Variants in TMPRSS6 observed in about 807,000 individuals in gnomAD.
TMPRSS6 encodes the protein transmembrane serine protease 6.
TMPRSS6 carries 67 observed loss-of-function variants against 101.5 expected under a neutral mutation model. The ratio of observed to expected loss-of-function variants is 0.66; its 90% CI spans 0.54 to 0.81. TMPRSS6 has a LOEUF of 0.81. Ranked by LOEUF, TMPRSS6 falls within the 30% of genes least tolerant of loss-of-function variation. The pLI, the probability that TMPRSS6 is intolerant of heterozygous loss-of-function variation, is 0.00. For synonymous variants in TMPRSS6, 453 were observed against 464.9 expected (o/e 0.97, Z 0.33); for missense variants, 1,034 against 1,088.7 (o/e 0.95, Z 0.71).
chr22:37,069,076 C>T lies in TMPRSS6; in HGVS notation c.2110G>A (p.Gly704Ser). The T allele has an allele frequency of 1.3e-6, 2 of 1,541,808 alleles. No homozygotes were observed. The highest frequency in any genetic ancestry group is 1.7e-6 in the Non-Finnish European group (2 of 1,148,898). The change falls in exon 16 of 18, where the codon GGC becomes AGC. Residue 704 changes from glycine to serine, a missense_variant. By Grantham distance (56) the Gly-to-Ser change is moderately conservative (BLOSUM62 0). Coordinates refer to ENST00000676104, the MANE Select transcript of TMPRSS6 (RefSeq NM_001374504.1). This position sits in a 1 kb window ranked among gnomAD's most constrained non-coding sequence, Gnocchi z 4.8. The part of the protein sequence containing the change: ...WITGWGALRE[G>S]GPISNALQKV... ...GCCGCAAGTCCCCGCTGCTCACCGC[C>T]CTCGCGCAAGGCGCCCCAGCCCGTA...
At chr22:37,075,732 G>A (rs574409278) in intron 10 of TMPRSS6, among the ~76,000 whole-genome samples, 14 of 152,218 alleles carry the variant, frequency 9.2e-5, no homozygotes, top group South Asian at 2.1e-4. Context: ...GAGAAACCCC[G>A]TTGCTACTAA....
chr22:37,078,973 A>AGAAAGAAAGAAAG (rs1555888509), intron 10 of TMPRSS6, among the ~76,000 whole-genome samples: 1 of 106,510 alleles, frequency 9.4e-6, no homozygotes, highest in Non-Finnish European at 1.9e-5. Flanking sequence ...GAAAGAAAGA[A>AGAAAGAAAGAAAG]AAAGAAAGAA....
In TMPRSS6 at chr22:37,103,742, C is replaced by A. The variant is rs139010021; in HGVS notation, c.-1-324G>T. On this transcript the variant is annotated intron_variant, in intron 1 of 17. Transcript: ENST00000676104. This position sits in a 1 kb window ranked among gnomAD's most constrained non-coding sequence, Gnocchi z 4.4. The stretch of plus-strand genomic sequence containing the variant: ...TAAACACCCACCTCCCTAGAGGCTG[C>A]ACCCACAGACAGAACTGAAGTACAT... 2.3e-4 allele frequency: 157 copies of A among 693,186 alleles called. 1 individual carries two copies. Among genetic ancestry groups the A allele is most frequent in the African/African-American group, 2.2e-3 (125 of 56,938 alleles). 42.9% of individuals were successfully genotyped at this position (693,186 alleles called of 1,614,324 possible).
chr22:37,070,970 G>T lies in TMPRSS6; in HGVS notation c.1618C>A (p.Pro540Thr), dbSNP rs1221918326. Residue 540 changes from proline (P) to threonine (T), a missense_variant, in exon 14 of 18, where the codon CCG becomes ACG. Physicochemically the swap from Pro to Thr is conservative, Grantham distance 38. Coordinates refer to ENST00000676104, the MANE Select transcript of TMPRSS6 (RefSeq NM_001374504.1). ...CAGTCGGGCCGCCCATCACACTGCGGGTTGGGCTTCTTCACGCAGCTCCGG... is the reference window on the plus strand; with the variant it reads ...CAGTCGGGCCGCCCATCACACTGCGTGTTGGGCTTCTTCACGCAGCTCCGG... ...EDRSCVKKPN[P>T]QCDGRPDCRD... 5.0e-6 allele frequency: 8 copies of T among 1,613,200 alleles called. No homozygotes were observed. Among genetic ancestry groups the T allele is most frequent in the Non-Finnish European group, 6.8e-6 (8 of 1,179,960 alleles).
At chr22:37,066,285 C>G (rs1415630967) in intron 17 of TMPRSS6, 47 bp from the exon 18 acceptor site, 1 of 1,540,152 alleles carries the variant, frequency 6.5e-7, no homozygotes, top group South Asian at 1.2e-5. Context: ...AAGGGCACCC[C>G]CTTTTCCAGG....
In TMPRSS6 at chr22:37,098,440, A is replaced by G. The variant is rs1342261045; in HGVS notation, c.312T>C (p.Ser104=). Residue 104 remains serine, a synonymous_variant, in exon 3 of 18, where the codon AGT becomes AGC. Transcript: ENST00000676104. The part of the protein sequence containing the change: ...LTRRESSAFR[S]ETAKAQKMLK... Reference sequence around the variant, plus strand: ...CCATCTTCTGGGCTTTGGCGGTTTCACTGCGGAAGGCACTAGATTCCCGGC... The same window carrying G: ...CCATCTTCTGGGCTTTGGCGGTTTCGCTGCGGAAGGCACTAGATTCCCGGC... The G allele has an allele frequency of 6.2e-7, 1 of 1,612,108 alleles. No homozygotes were observed. The highest frequency in any genetic ancestry group is 1.3e-5 in the African/African-American group (1 of 74,114).
At chr22:37,076,564 A>C (rs1927690251) in intron 10 of TMPRSS6, among the ~76,000 whole-genome samples, 1 of 152,110 alleles carries the variant, frequency 6.6e-6, no homozygotes, top group African/African-American at 2.4e-5. Flanking sequence ...GCATGGGCCC[A>C]GGGGTTCCTC....
rs1216848272 is a variant in TMPRSS6 at position 37,071,899 on chromosome 22, TG to T, written c.1556-868del. On this transcript the variant is annotated intron_variant, in intron 13 of 17. Coordinates refer to ENST00000676104, the MANE Select transcript of TMPRSS6 (RefSeq NM_001374504.1). ...GGAGATCAGTGGATGGGTGGATGGATGGGTGGATGGATGGGTAGATGGATGG... is the reference window on the plus strand; with the variant it reads ...GGAGATCAGTGGATGGGTGGATGGATGGTGGATGGATGGGTAGATGGATGG... 2.0e-5 allele frequency among the ~76,000 whole-genome samples: 3 copies of T among 151,974 alleles called. No homozygotes were observed. In the East Asian group the frequency reaches 5.8e-4, roughly 29 times the overall value.
chr22:37,088,501 T>C (rs1243228139), intron 7 of TMPRSS6, among the ~76,000 whole-genome samples: 1 of 152,102 alleles, frequency 6.6e-6, no homozygotes, highest in Non-Finnish European at 1.5e-5. Context: ...GCCCAGAGCA[T>C]CTTCCCCACC....
At chr22:37,110,137 CTTTTTTTT>C (rs55809648), upstream of TMPRSS6, among the ~76,000 whole-genome samples, 1 of 87,066 alleles carries the variant, frequency 1.1e-5, no homozygotes, top group African/African-American at 4.5e-5. Context: ...CTACCTCGTT[CTTTTTTTT>C]TTTTTTTTTT....
chr22:37,095,550 C>G lies in TMPRSS6; in HGVS notation c.631+1G>C. 5.0e-6 allele frequency: 8 copies of G among 1,612,268 alleles called. No individual in the cohort carries two copies. Among genetic ancestry groups the G allele is most frequent in the Non-Finnish European group, 6.8e-6 (8 of 1,179,696 alleles). ...GGGGAGGGGAAAAAAAAATAGCGTA[C>G]CCAGCGTGGAATTCAATGCAGCTAT... On this transcript the variant is annotated splice_donor_variant, in intron 6 of 17. Transcript: ENST00000676104. LOFTEE classifies it high-confidence loss of function.
At chr22:37,086,826 G>A (rs551834518) in intron 7 of TMPRSS6, among the ~76,000 whole-genome samples, 8 of 152,240 alleles carry the variant, frequency 5.3e-5, no homozygotes, top group East Asian at 1.9e-4. Flanking sequence ...CTGGCACCGC[G>A]ACTCCTGGCT....
chr22:37,066,176 C>G lies in TMPRSS6; in HGVS notation c.2313G>C (p.Leu771=). The G allele has an allele frequency of 6.2e-7, 1 of 1,613,060 alleles. No homozygotes were observed. Among genetic ancestry groups the G allele is most frequent in the Non-Finnish European group, 8.5e-7 (1 of 1,179,992 alleles). The stretch of plus-strand genomic sequence containing the variant: ...GGCCACAGCCCAGGCCCCAGCTGAC[C>G]AGCCCCGCCAGGAACCAGCGGCCAC... The part of the protein sequence containing the change: ...ALSGRWFLAG[L]VSWGLGCGRP... Residue 771 remains leucine, a synonymous_variant, in exon 18 of 18, where the codon CTG becomes CTC. Transcript: ENST00000676104.
intron 10 of TMPRSS6, among the ~76,000 whole-genome samples, chr22:37,075,986 A>G (rs890123451): frequency 6.6e-6 from 1 of 151,404 alleles, no homozygotes; most frequent in African/African-American, 2.4e-5. Flanking sequence ...AGAAAGAAAG[A>G]AAGAGAAAGA....
intron 2 of TMPRSS6, among the ~76,000 whole-genome samples, chr22:37,099,888 C>T (rs1930148219): frequency 2.0e-5 from 3 of 152,184 alleles, no homozygotes; most frequent in Admixed American, 2.0e-4. Flanking sequence ...TAGGGCTTTC[C>T]AGGCCTGGGA....
upstream of TMPRSS6, among the ~76,000 whole-genome samples, chr22:37,109,858 G>C (rs1930960498): frequency 6.6e-6 from 1 of 152,180 alleles, no homozygotes; most frequent in African/African-American, 2.4e-5. Flanking sequence ...CTGGTGACAT[G>C]CCTGCCTGGT....
At chr22:37,078,802 G>A (rs1465928350) in intron 10 of TMPRSS6, among the ~76,000 whole-genome samples, 6 of 143,802 alleles carry the variant, frequency 4.2e-5, no homozygotes, top group African/African-American at 1.6e-4. Context: ...AGGAGGAGGA[G>A]GAAGAGGAGA....
intron 10 of TMPRSS6, among the ~76,000 whole-genome samples, chr22:37,076,022 G>GAAAGAAAGA (rs1390939723): frequency 1.4e-5 from 2 of 144,838 alleles, no homozygotes; most frequent in Non-Finnish European, 3.0e-5. Flanking sequence ...AAAGAAGAAA[G>GAAAGAAAGA]AGAAAGAGAA....
intron 2 of TMPRSS6, among the ~76,000 whole-genome samples, chr22:37,099,338 G>A (rs931508693): frequency 3.9e-5 from 6 of 152,200 alleles, no homozygotes; most frequent in Non-Finnish European, 7.3e-5. Context: ...GGGGAGGGGC[G>A]GCAAGGAGCT....
Sources: allele counts gnomAD v4.1 joint callset (sites outside exome capture counted in the v4.1 genomes callset), GRCh38; gene constraint gnomAD v4.1.1; non-coding constraint Gnocchi (gnomAD v3.1); transcripts MANE v1.5; gene names NCBI Gene and HGNC (gene_info 2026-07-23, HGNC 2026-07-21).